The following SPHKAP variants were observed in gnomAD, a reference collection of about 807,000 sequenced individuals.
The protein encoded by SPHKAP is A-kinase anchor protein SPHKAP.
Under a neutral mutation model 137.5 loss-of-function variants are expected in SPHKAP, and 67 were observed. That is an observed-to-expected ratio of 0.49 (90% CI 0.40 to 0.60). SPHKAP has a LOEUF of 0.60. Ranked by LOEUF, SPHKAP falls within the 20% of genes least tolerant of loss-of-function variation. The pLI, the probability that SPHKAP is intolerant of heterozygous loss-of-function variation, is 0.00. For missense variants in SPHKAP, 2,097 were observed against 2,069.3 expected, an observed-to-expected ratio of 1.01 and a Z score of -0.26; for synonymous variants, 813 against 785.3, an observed-to-expected ratio of 1.04 and a Z score of -0.59.
intron 6 of SPHKAP, among the ~76,000 whole-genome samples, chr2:228,020,981 G>A (rs932027243): frequency 6.6e-6 from 1 of 152,126 alleles, no homozygotes; most frequent in Non-Finnish European, 1.5e-5. Flanking sequence ...AGAAGGAGAA[G>A]GGAGGATGTT....
At chr2:228,133,783 G>C (rs1368468398) in intron 1 of SPHKAP, among the ~76,000 whole-genome samples, 1 of 152,102 alleles carries the variant, frequency 6.6e-6, no homozygotes, top group Non-Finnish European at 1.5e-5. Flanking sequence ...GTCACACAGG[G>C]CATTAGTGTA....
intron 7 of SPHKAP, among the ~76,000 whole-genome samples, chr2:228,009,518 C>T (rs1488813788): frequency 6.6e-6 from 1 of 152,106 alleles, no homozygotes; most frequent in Admixed American, 6.6e-5. Context: ...CTGCTAATTT[C>T]ATCTTCTCTG....
intron 4 of SPHKAP, among the ~76,000 whole-genome samples, chr2:228,027,165 C>G (rs954350334): frequency 2.0e-5 from 3 of 152,142 alleles, no homozygotes; most frequent in African/African-American, 7.2e-5. Context: ...ATCTGAGAGA[C>G]AGAGGGGAGG....
chr2:228,085,474 C>A (rs1008824743), intron 3 of SPHKAP, among the ~76,000 whole-genome samples: 3 of 152,158 alleles, frequency 2.0e-5, no homozygotes, highest in African/African-American at 7.2e-5. Flanking sequence ...ACAATTTGGT[C>A]TTCTGTCCAG....
intron 3 of SPHKAP, among the ~76,000 whole-genome samples, chr2:228,029,696 G>A (rs936408159): frequency 2.6e-5 from 4 of 152,206 alleles, no homozygotes; most frequent in Admixed American, 2.6e-4. Context: ...AGCAGTTCAT[G>A]ATCTAGGGAA....
At chr2:228,157,761 C>G (rs1318235779) in intron 1 of SPHKAP, among the ~76,000 whole-genome samples, 1 of 151,824 alleles carries the variant, frequency 6.6e-6, no homozygotes, top group African/African-American at 2.4e-5. Context: ...GCAGGAAATG[C>G]CTTCATTGGA....
chr2:228,131,921 G>T (rs4479423), intron 2 of SPHKAP, 59 bp downstream of exon 2: 3 of 1,564,496 alleles, frequency 1.9e-6, no homozygotes, highest in South Asian at 1.1e-5. Flanking sequence ...TTAAAATTTC[G>T]AATTAAATGA....
At chr2:228,180,240 C>A (rs12994367) in intron 1 of SPHKAP, among the ~76,000 whole-genome samples, 65,549 of 151,910 alleles carry the variant, frequency 0.43, 16,223 homozygotes, top group East Asian at 0.69. Flanking sequence ...CATTTGCTAT[C>A]CCCGCAGCGA....
At chr2:228,118,921 G>A (rs1213258752) in intron 2 of SPHKAP, among the ~76,000 whole-genome samples, 2 of 152,090 alleles carry the variant, frequency 1.3e-5, no homozygotes, top group East Asian at 1.9e-4. Context: ...AGGAGGACAC[G>A]TCATAATCAC....
At chr2:227,982,609 T>C (rs1693042239) in intron 11 of SPHKAP, among the ~76,000 whole-genome samples, 3 of 152,214 alleles carry the variant, frequency 2.0e-5, no homozygotes. Context: ...ACTCCTTAGG[T>C]ACTTTTTTGA....
At chr2:228,129,741 T>C (rs996630472) in intron 2 of SPHKAP, among the ~76,000 whole-genome samples, 1 of 151,592 alleles carries the variant, frequency 6.6e-6, no homozygotes, top group Non-Finnish European at 1.5e-5. Flanking sequence ...CACAAATATA[T>C]ATATATGCTA....
intron 7 of SPHKAP, among the ~76,000 whole-genome samples, chr2:228,011,200 G>A (rs530782451): frequency 2.7e-5 from 4 of 149,952 alleles, no homozygotes; most frequent in Admixed American, 1.3e-4. Context: ...TTTTCTCCTC[G>A]TATCCAGAGC....
intron 9 of SPHKAP, 86 bp downstream of exon 9, chr2:227,993,448 T>C: frequency 8.0e-7 from 1 of 1,247,920 alleles, no homozygotes; most frequent in Non-Finnish European, 1.1e-6. Flanking sequence ...GGTCAGTGGT[T>C]GGGCACAACC....
At chr2:228,044,736 T>A (rs1695972405) in intron 3 of SPHKAP, among the ~76,000 whole-genome samples, 1 of 152,196 alleles carries the variant, frequency 6.6e-6, no homozygotes, top group African/African-American at 2.4e-5. Flanking sequence ...GGATAACAAC[T>A]AGTTTTTCAT....
chr2:228,038,325 C>T lies in SPHKAP; in HGVS notation c.247-10782G>A, dbSNP rs541769407. Among the ~76,000 whole-genome samples, 14 of 152,132 alleles carry T rather than the reference C, an allele frequency of 9.2e-5. No individual in the cohort carries two copies. In the South Asian group the frequency reaches 2.7e-3, roughly 29 times the overall value. On this transcript the variant is annotated intron_variant, in intron 3 of 11. Coordinates refer to ENST00000392056, the MANE Select transcript of SPHKAP (RefSeq NM_001142644.2). ...AGGGGACATGTTTACAGTGTTATTA[C>T]AGGAGGAAACTTTTGGTAGTGGGAA...
At chr2:228,151,579 T>A (rs1287296371) in intron 1 of SPHKAP, among the ~76,000 whole-genome samples, 1 of 152,096 alleles carries the variant, frequency 6.6e-6, no homozygotes, top group South Asian at 2.1e-4. Context: ...TTTCTCCACA[T>A]CCTCTCCAGC....
intron 11 of SPHKAP, 134 bp from the exon 12 acceptor site, chr2:227,981,994 G>A (rs575176404): frequency 2.1e-5 from 28 of 1,312,738 alleles, no homozygotes; most frequent in Admixed American, 4.0e-5. Flanking sequence ...ACTGTTTTCC[G>A]GGATAATCTA....
At chr2:228,114,022 T>C (rs1396965060) in intron 2 of SPHKAP, among the ~76,000 whole-genome samples, 2 of 152,130 alleles carry the variant, frequency 1.3e-5, no homozygotes, top group African/African-American at 4.8e-5. Context: ...TGCTTGAGAA[T>C]TCAACAATTT....
At chr2:227,990,870 G>A (rs550549324) in intron 11 of SPHKAP, 130 bp downstream of exon 11, 55 of 904,252 alleles carry the variant, frequency 6.1e-5, no homozygotes, top group Middle Eastern at 5.8e-4. Context: ...TGTTCTAGCC[G>A]CAATTTTAAG....
Sources: gnomAD v4.1 joint callset for allele counts (sites outside exome capture counted in the v4.1 genomes callset) on GRCh38, gnomAD v4.1.1 for gene constraint, MANE v1.5 for transcripts, NCBI Gene and HGNC (gene_info 2026-07-23, HGNC 2026-07-21) for gene names.